The following SUSD6 variants were observed in gnomAD, a reference collection of about 807,000 sequenced individuals.
SUSD6 encodes sushi domain containing 6.
In SUSD6, 16 loss-of-function variants were observed where a neutral mutation model predicts 28.4. That is an observed-to-expected ratio of 0.56 (90% CI 0.38 to 0.86). SUSD6 has a LOEUF of 0.86. Among genes scored for constraint, SUSD6 ranks in the 40% least tolerant of loss-of-function variants. The probability of loss-of-function intolerance (pLI) is 0.00; values close to 1 mark genes in which losing one functional copy is unlikely to be tolerated. For missense variants in SUSD6, 341 were observed against 384.2 expected (o/e 0.89, Z 0.94); for synonymous variants, 147 against 159.6 (o/e 0.92, Z 0.59).
chr14:69,695,976 A>G (rs1433883575), intron 2 of SUSD6, among the ~76,000 whole-genome samples: 1 of 152,170 alleles, frequency 6.6e-6, no homozygotes, highest in Non-Finnish European at 1.5e-5. Flanking sequence ...CTTTAGGGGA[A>G]TCACCTCCCC....
At chr14:69,696,709 G>A (rs1310954038) in intron 2 of SUSD6, among the ~76,000 whole-genome samples, 1 of 152,190 alleles carries the variant, frequency 6.6e-6, no homozygotes, top group African/African-American at 2.4e-5. Flanking sequence ...CTGAGACTGT[G>A]CTGTCCACTA....
intron 1 of SUSD6, among the ~76,000 whole-genome samples, chr14:69,616,540 G>A (rs1884961858): frequency 1.3e-5 from 2 of 152,152 alleles, no homozygotes; most frequent in Admixed American, 6.5e-5. Flanking sequence ...CTAAGTGGAC[G>A]GAGGCTTGTA....
chr14:69,705,368 A>G (rs905934215), intron 4 of SUSD6, among the ~76,000 whole-genome samples: 3 of 151,840 alleles, frequency 2.0e-5, no homozygotes, highest in Non-Finnish European at 2.9e-5. Flanking sequence ...TTCCAAAGCC[A>G]TGTCATTTCC....
intron 1 of SUSD6, among the ~76,000 whole-genome samples, 162 bp downstream of exon 1, chr14:69,611,990 C>G (rs1049401877): frequency 5.3e-4 from 79 of 149,130 alleles, no homozygotes; most frequent in East Asian, 1.4e-3. Flanking sequence ...TGCGCCGGCC[C>G]GCTGTCACCC....
At chr14:69,676,460 G>GCCTCCACCTC (rs1298651025) in intron 2 of SUSD6, among the ~76,000 whole-genome samples, 2 of 151,666 alleles carry the variant, frequency 1.3e-5, no homozygotes, top group African/African-American at 4.8e-5. Flanking sequence ...GCTCATTGCA[G>GCCTCCACCTC]CCTCCACCTC....
intron 2 of SUSD6, among the ~76,000 whole-genome samples, chr14:69,669,723 C>A (rs957382492): frequency 5.3e-5 from 8 of 152,224 alleles, no homozygotes; most frequent in African/African-American, 1.9e-4. Context: ...CCTTCAAAGT[C>A]CAACTTAGCT....
In SUSD6 at chr14:69,661,853, G is replaced by A. The variant is rs370427738; in HGVS notation, c.121+3140G>A. On this transcript the variant is annotated intron_variant, in intron 2 of 5. Transcript: ENST00000342745. ...TCTTACTCTGTTGCCAGGCTGGAGT[G>A]CAGTGGTACAATCATAGCTCACTGC... is the stretch of plus-strand genomic sequence containing the variant. Among the ~76,000 whole-genome samples, 10 of 152,278 alleles carry A rather than the reference G, an allele frequency of 6.6e-5. No individual in the cohort carries two copies. In the East Asian group the frequency reaches 7.7e-4, roughly 12 times the overall value.
intron 1 of SUSD6, among the ~76,000 whole-genome samples, chr14:69,636,235 T>C (rs1449803720): frequency 6.6e-6 from 1 of 152,208 alleles, no homozygotes; most frequent in Non-Finnish European, 1.5e-5. Flanking sequence ...AGAACCACAA[T>C]AGAGCAAGTA....
chr14:69,709,446 A>G (rs1886432795), intron 5 of SUSD6, among the ~76,000 whole-genome samples: 1 of 152,202 alleles, frequency 6.6e-6, no homozygotes, highest in Admixed American at 6.5e-5. Context: ...AAGGTCAGGA[A>G]TGACAAGGAG....
rs372931952 is a variant in SUSD6 at position 69,641,065 on chromosome 14, T to A, written c.-80-17448T>A. On this transcript the variant is annotated intron_variant, in intron 1 of 5. Coordinates refer to ENST00000342745, the MANE Select transcript of SUSD6 (RefSeq NM_014734.4). Reference sequence around the variant, plus strand: ...TCCAGTGCACAAAAAGCATTAGTGATGGAATGGAGCCTCCATTGCCTCCTG... The same window carrying A: ...TCCAGTGCACAAAAAGCATTAGTGAAGGAATGGAGCCTCCATTGCCTCCTG... 2.4e-3 allele frequency among the ~76,000 whole-genome samples: 359 copies of A among 152,360 alleles called. 3 individuals are homozygous for A. Among genetic ancestry groups the A allele is most frequent in the African/African-American group, 8.2e-3 (343 of 41,576 alleles).
At chr14:69,657,152 C>A (rs1256091163) in intron 1 of SUSD6, among the ~76,000 whole-genome samples, 2 of 152,114 alleles carry the variant, frequency 1.3e-5, no homozygotes, top group African/African-American at 4.8e-5. Flanking sequence ...ATGCTTCAGA[C>A]ACAGATTAAA....
rs61982061 is a variant in SUSD6 at position 69,713,695 on chromosome 14, T to G, written c.*2716T>G. The G allele has an allele frequency of 0.047, 7,116 of 152,198 alleles. 212 individuals are homozygous for G. Among genetic ancestry groups the G allele is most frequent in the East Asian group, 0.15 (792 of 5,174 alleles). 9.4% of individuals were successfully genotyped at this position (152,198 alleles called of 1,614,324 possible). A position where few individuals can be genotyped will look rare whatever the true frequency, so the allele number is the denominator to read the frequency against. On this transcript the variant is annotated 3_prime_UTR_variant, in exon 6 of 6. Transcript: ENST00000342745. ...GGAGCCTGGAGCAGGTGGAAACAGG[T>G]GGAAGAAACCGGCCACAGCCCTGCT... is the stretch of plus-strand genomic sequence containing the variant.
intron 2 of SUSD6, among the ~76,000 whole-genome samples, chr14:69,677,545 T>C (rs1885930286): frequency 8.2e-5 from 3 of 36,458 alleles, no homozygotes; most frequent in African/African-American, 2.7e-4. Flanking sequence ...AGACTCCGTC[T>C]CAAAAAAAAA....
chr14:69,700,709 C>T (rs1431848545), intron 2 of SUSD6, among the ~76,000 whole-genome samples: 1 of 152,190 alleles, frequency 6.6e-6, no homozygotes, highest in Non-Finnish European at 1.5e-5. Flanking sequence ...CTTTGAACTT[C>T]CTCTCTTGTG....
intron 4 of SUSD6, among the ~76,000 whole-genome samples, chr14:69,705,343 C>T (rs889467008): frequency 4.7e-5 from 7 of 149,600 alleles, no homozygotes; most frequent in Admixed American, 2.7e-4. Context: ...CAAAAAAAAA[C>T]GGAAATCTGT....
At chr14:69,659,533 GTTTT>G (rs1179749926) in intron 2 of SUSD6, among the ~76,000 whole-genome samples, 1 of 151,234 alleles carries the variant, frequency 6.6e-6, no homozygotes, top group Non-Finnish European at 1.5e-5. Context: ...TTGTTTGTTT[GTTTT>G]CAGAGAGTCT....
chr14:69,658,383 A>G (rs1465723076), intron 1 of SUSD6, 130 bp from the exon 2 acceptor site: 1 of 570,530 alleles, frequency 1.8e-6, no homozygotes, highest in Non-Finnish European at 3.1e-6. Context: ...CTCTCCTGGC[A>G]GCAGGGATTC....
intron 2 of SUSD6, among the ~76,000 whole-genome samples, chr14:69,698,481 C>G (rs1886259376): frequency 6.6e-6 from 1 of 152,190 alleles, no homozygotes; most frequent in Non-Finnish European, 1.5e-5. Flanking sequence ...AGTATTTGTT[C>G]TGTTTGTTAA....
At chr14:69,635,595 C>CCACACACACACACACACACA (rs3048696) in intron 1 of SUSD6, among the ~76,000 whole-genome samples, 10 of 143,514 alleles carry the variant, frequency 7.0e-5, no homozygotes, top group Non-Finnish European at 1.4e-4. Context: ...CCAAGGCACA[C>CCACACACACACACACACACA]CACACACACA....
Sources: gnomAD v4.1 joint callset for allele counts (sites outside exome capture counted in the v4.1 genomes callset) on GRCh38, gnomAD v4.1.1 for gene constraint, MANE v1.5 for transcripts, NCBI Gene and HGNC (gene_info 2026-07-23, HGNC 2026-07-21) for gene names.